GPR39: variants seen among roughly 807,000 people sequenced by gnomAD.
The protein encoded by GPR39 is zinc sensing receptor.
Under a neutral mutation model 18.4 loss-of-function variants are expected in GPR39, and 23 were observed. That is an observed-to-expected ratio of 1.25 (90% CI 0.90 to 1.77). GPR39 has a LOEUF of 1.77. GPR39 is among the 40% of genes most tolerant of loss of function. The probability of loss-of-function intolerance (pLI) is 0.00; values close to 1 mark genes in which losing one functional copy is unlikely to be tolerated. For missense variants in GPR39, 647 were observed against 602.4 expected (o/e 1.07, Z -0.78); for synonymous variants, 280 against 257.9 (o/e 1.09, Z -0.82).
At chr2:132,639,924 G>T (rs1323654571) in intron 1 of GPR39, among the ~76,000 whole-genome samples, 1 of 149,538 alleles carries the variant, frequency 6.7e-6, no homozygotes, top group Non-Finnish European at 1.5e-5. Flanking sequence ...TAAAATTACA[G>T]TTAAAAAAAA....
intron 1 of GPR39, among the ~76,000 whole-genome samples, chr2:132,558,830 A>G (rs1473120725): frequency 6.6e-6 from 1 of 152,192 alleles, no homozygotes; most frequent in African/African-American, 2.4e-5. Flanking sequence ...ATAAACATTG[A>G]ATAGGTGCTC....
At chr2:132,469,886 G>T (rs1680999633) in intron 1 of GPR39, among the ~76,000 whole-genome samples, 1 of 152,180 alleles carries the variant, frequency 6.6e-6, no homozygotes. Flanking sequence ...GAAGTTCTGT[G>T]CATGAGGAAA....
intron 1 of GPR39, among the ~76,000 whole-genome samples, chr2:132,559,401 GC>G (rs1680207576): frequency 6.6e-6 from 1 of 152,114 alleles, no homozygotes; most frequent in Non-Finnish European, 1.5e-5. Context: ...GACTTTCCAT[GC>G]GTAGAAAATG....
chr2:132,441,225 T>TA (rs1680432535), intron 1 of GPR39, among the ~76,000 whole-genome samples: 1 of 152,150 alleles, frequency 6.6e-6, no homozygotes, highest in Non-Finnish European at 1.5e-5. Context: ...ATGAGATGCA[T>TA]ATACAAACAA....
intron 1 of GPR39, among the ~76,000 whole-genome samples, chr2:132,615,792 T>G (rs2104854552): frequency 6.6e-6 from 1 of 152,306 alleles, no homozygotes; most frequent in East Asian, 1.9e-4. Flanking sequence ...AAGACTAGGG[T>G]TAGGCAAGCT....
intron 1 of GPR39, among the ~76,000 whole-genome samples, chr2:132,525,493 C>T (rs940227272): frequency 3.3e-5 from 5 of 152,208 alleles, no homozygotes; most frequent in Non-Finnish European, 7.3e-5. Flanking sequence ...ATCTCAACTG[C>T]CTGAGGACAG....
chr2:132,579,720 A>T (rs1210542800), intron 1 of GPR39, among the ~76,000 whole-genome samples: 1 of 151,920 alleles, frequency 6.6e-6, no homozygotes. Context: ...TTTATTATAT[A>T]TTTTTAATTT....
At chr2:132,590,818 C>CGTGTGTGTGTGTGTGTGT (rs3066458) in intron 1 of GPR39, among the ~76,000 whole-genome samples, 7 of 143,900 alleles carry the variant, frequency 4.9e-5, no homozygotes, top group African/African-American at 1.8e-4. Context: ...AAGTATTGTT[C>CGTGTGTGTGTGTGTGTGT]GTGTGTGTGT....
At chr2:132,563,431 C>T (rs894901438) in intron 1 of GPR39, among the ~76,000 whole-genome samples, 7 of 152,128 alleles carry the variant, frequency 4.6e-5, no homozygotes, top group African/African-American at 7.2e-5. Context: ...AAAACTAGCT[C>T]GGCATGGTGG....
intron 1 of GPR39, among the ~76,000 whole-genome samples, chr2:132,425,177 G>A (rs11894376): frequency 0.22 from 33,233 of 152,072 alleles, 3,817 homozygotes; most frequent in African/African-American, 0.27. Flanking sequence ...ATATATCTCA[G>A]TGCCTCCCAC....
chr2:132,544,307 T>C (rs556045642), intron 1 of GPR39, among the ~76,000 whole-genome samples: 3 of 152,326 alleles, frequency 2.0e-5, no homozygotes, highest in African/African-American at 4.8e-5. Flanking sequence ...CTCAAGGTTT[T>C]TCTTTATCTC....
intron 1 of GPR39, among the ~76,000 whole-genome samples, chr2:132,516,716 C>T (rs978079284): frequency 2.0e-5 from 3 of 152,168 alleles, no homozygotes; most frequent in South Asian, 2.1e-4. Flanking sequence ...ACAGCTGGAA[C>T]GCTCTTCCTT....
rs139666020 is a variant in GPR39, at chr2:132,421,459, G to A, written c.856+3561G>A. On this transcript the variant is annotated intron_variant, in intron 1 of 1. Coordinates refer to ENST00000329321, the MANE Select transcript of GPR39 (RefSeq NM_001508.3). ...GTTATGAAAAAAGATTTTACAGACA[G>A]TCATGAGGTTATTAAATAAAAGAAA... 1.3e-3 allele frequency among the ~76,000 whole-genome samples: 197 copies of A among 152,258 alleles called. 3 individuals are homozygous for A. Among genetic ancestry groups the A allele is most frequent in the African/African-American group, 4.6e-3 (191 of 41,528 alleles).
chr2:132,459,556 G>A (rs1680794738), intron 1 of GPR39, among the ~76,000 whole-genome samples: 1 of 151,990 alleles, frequency 6.6e-6, no homozygotes, highest in Non-Finnish European at 1.5e-5. Context: ...ATTCCTTTTT[G>A]TCTAAATAAT....
chr2:132,564,883 C>T (rs905440185), intron 1 of GPR39, among the ~76,000 whole-genome samples: 3 of 123,648 alleles, frequency 2.4e-5, no homozygotes, highest in East Asian at 6.0e-4. Context: ...GTGGCATGAT[C>T]TAGGCTCACC....
At chr2:132,448,024 G>A (rs1189589667) in intron 1 of GPR39, among the ~76,000 whole-genome samples, 2 of 152,196 alleles carry the variant, frequency 1.3e-5, no homozygotes, top group Admixed American at 6.5e-5. Flanking sequence ...TCAATGGGGA[G>A]GACTTGATTA....
At chr2:132,535,821 C>T (rs1160572861) in intron 1 of GPR39, among the ~76,000 whole-genome samples, 7 of 151,456 alleles carry the variant, frequency 4.6e-5, no homozygotes, top group Admixed American at 2.6e-4. Flanking sequence ...GGAATTTATC[C>T]GTTTCTTCTA....
chr2:132,491,047 G>A (rs760546377), intron 1 of GPR39, among the ~76,000 whole-genome samples: 4 of 152,196 alleles, frequency 2.6e-5, no homozygotes, highest in Non-Finnish European at 5.9e-5. Context: ...CTTGAACCAA[G>A]CTGAGCCCTA....
chr2:132,441,248 G>C (rs1680433133), intron 1 of GPR39, among the ~76,000 whole-genome samples: 1 of 152,156 alleles, frequency 6.6e-6, no homozygotes, highest in Non-Finnish European at 1.5e-5. Flanking sequence ...GGGATGCAGA[G>C]CCCTGGGAGG....
Sources: gnomAD v4.1 joint callset for allele counts (sites outside exome capture counted in the v4.1 genomes callset) on GRCh38, gnomAD v4.1.1 for gene constraint, MANE v1.5 for transcripts, NCBI Gene and HGNC (gene_info 2026-07-23, HGNC 2026-07-21) for gene names.